Variants in TNMD observed in about 807,000 individuals in gnomAD.
TNMD encodes BRICHOS domain containing 4.
Under a neutral mutation model 26.9 loss-of-function variants are expected in TNMD, and 15 were observed. That is an observed-to-expected ratio of 0.56 (90% CI 0.37 to 0.86). The LOEUF (loss-of-function observed/expected upper bound fraction) is 0.86, where lower values mean the gene tolerates loss of function less well. Ranked by LOEUF, TNMD falls within the 40% of genes least tolerant of loss-of-function variation. The pLI is 0.00. For synonymous variants in TNMD, 73 were observed against 77.0 expected (o/e 0.95, Z 0.27); for missense variants, 222 against 242.6 (o/e 0.92, Z 0.56).
chrX:100,586,081 C>T lies in TNMD; in HGVS notation c.180+719C>T, dbSNP rs375719640. Among the ~76,000 whole-genome samples, 18 of 112,083 alleles carry T rather than the reference C, an allele frequency of 1.6e-4. No homozygotes were observed. In the East Asian group the frequency reaches 5.0e-3, roughly 31 times the overall value. On this transcript the variant is annotated intron_variant, in intron 2 of 6. Coordinates refer to ENST00000373031, the MANE Select transcript of TNMD (RefSeq NM_022144.3). ...CTGTACCTTAGTGTTATTGTTATTC[C>T]TGGGCTCATAGGCAATGGGCAAGTT...
chrX:100,585,445 A>C, intron 2 of TNMD, 83 bp downstream of exon 2: 3 of 962,169 alleles, frequency 3.1e-6, no homozygotes, highest in Non-Finnish European at 2.8e-6. Flanking sequence ...TTATTCTGAA[A>C]ATGAAAATCA....
At position 100,599,713 on chromosome X, in the gene TNMD, T is replaced by A; in HGVS notation, c.950T>A (p.Val317Asp). 1 of 1,209,061 alleles carries A rather than the reference T, an allele frequency of 8.3e-7. No individual in the cohort carries two copies. Among genetic ancestry groups the A allele is most frequent in the South Asian group, 1.8e-5 (1 of 56,695 alleles). The part of the protein sequence containing the change: ...NWWVARMLGR[V>D] ...TGGGTGGCCCGCATGCTGGGGAGGG[T>A]CTAATAGGAGGTTTGAGCTCAAATG... The change falls in exon 7 of 7, where the codon GTC becomes GAC. Residue 317 changes from valine (V) to aspartate (D), a missense_variant. By Grantham distance (152) the Val-to-Asp change is radical. Coordinates refer to ENST00000373031, the MANE Select transcript of TNMD (RefSeq NM_022144.3).
Position 100,599,574 on chromosome X carries a change from C to T in TNMD, c.811C>T (p.Arg271Ter), listed in dbSNP as rs746574268. The T allele has an allele frequency of 8.3e-7, 1 of 1,210,256 alleles. No individual in the cohort carries two copies. The highest frequency in any genetic ancestry group is 1.8e-5 in the South Asian group (1 of 56,712). Residue 271 changes from arginine (R) to a stop codon, truncating the protein, a stop_gained, in exon 7 of 7, where the codon CGA (arginine) becomes TGA (stop). Transcript: ENST00000373031. LOFTEE classifies it high-confidence loss of function. ...AGGTTATTGTTGTATTTACTGCCGT[C>T]GAGGCAACCGCTATTGCCGCCGCGT... is the stretch of plus-strand genomic sequence containing the variant. ...ERGYCCIYCRRGNRYCRRVCE... is the reference protein window; with the variant it reads ...ERGYCCIYCR
chrX:100,589,683 A>G (rs1354416756), intron 2 of TNMD, among the ~76,000 whole-genome samples: 1 of 111,843 alleles, frequency 8.9e-6, no homozygotes, highest in Non-Finnish European at 1.9e-5. Context: ...TGATCAACAG[A>G]TAGTGGCAGT....
chrX:100,599,568 T>C lies in TNMD; in HGVS notation c.805T>C (p.Cys269Arg), dbSNP rs1482937884. 2.5e-6 allele frequency: 3 copies of C among 1,210,732 alleles called. No individual in the cohort carries two copies. Among genetic ancestry groups the C allele is most frequent in the East Asian group, 5.9e-5 (2 of 33,823 alleles). Residue 269 changes from cysteine (C) to arginine (R), a missense_variant, in exon 7 of 7, where the codon TGC (cysteine) becomes CGC (arginine). Coordinates refer to ENST00000373031, the MANE Select transcript of TNMD (RefSeq NM_022144.3). ...LDERGYCCIY[C>R]RRGNRYCRRV... ...TGAGAGAGGTTATTGTTGTATTTAC[T>C]GCCGTCGAGGCAACCGCTATTGCCG...
In TNMD at chrX:100,593,009, A is replaced by G. The variant is rs187777056; in HGVS notation, c.181-886A>G. 6.7e-4 allele frequency among the ~76,000 whole-genome samples: 75 copies of G among 112,294 alleles called. No homozygotes were observed. The East Asian group carries it at 0.021, about 31-fold the overall frequency. On this transcript the variant is annotated intron_variant, in intron 2 of 6. Transcript: ENST00000373031. ...AATTCCTTTATGCTTATTTGCTTCT[A>G]CCTATAAATATGTCCTAAAACTATA... is the stretch of plus-strand genomic sequence containing the variant.
At chrX:100,587,134 A>G (rs1244910114) in intron 2 of TNMD, among the ~76,000 whole-genome samples, 2 of 112,394 alleles carry the variant, frequency 1.8e-5, no homozygotes, top group Non-Finnish European at 3.8e-5. Flanking sequence ...ATGTGTTTTT[A>G]TAAATTTACA....
chrX:100,599,628 T>C lies in TNMD; in HGVS notation c.865T>C (p.Tyr289His), dbSNP rs2082963253. ...TGAACCTTTACTAGGCTACTACCCA[T>C]ATCCATACTGCTACCAAGGAGGACG... ...VCEPLLGYYPYPYCYQGGRVI... is the reference protein window; with the variant it reads ...VCEPLLGYYPHPYCYQGGRVI... The change falls in exon 7 of 7, where the codon TAT (tyrosine) becomes CAT (histidine). Residue 289 changes from tyrosine to histidine, a missense_variant. Tyr to His is a moderately conservative substitution (Grantham distance 83, BLOSUM62 2). Coordinates refer to ENST00000373031, the MANE Select transcript of TNMD (RefSeq NM_022144.3). 1.7e-6 allele frequency: 2 copies of C among 1,211,792 alleles called. No individual in the cohort carries two copies. The highest frequency in any genetic ancestry group is 2.2e-6 in the Non-Finnish European group (2 of 895,485).
chrX:100,588,329 C>G (rs1022963303), intron 2 of TNMD, among the ~76,000 whole-genome samples: 2 of 110,562 alleles, frequency 1.8e-5, no homozygotes, highest in East Asian at 5.7e-4. Context: ...CACACACAGA[C>G]CAGAGAGAGA....
At chrX:100,592,474 A>G (rs1704608769) in intron 2 of TNMD, among the ~76,000 whole-genome samples, 1 of 112,251 alleles carries the variant, frequency 8.9e-6, no homozygotes, top group African/African-American at 3.2e-5. Flanking sequence ...CCAATACTCA[A>G]AAATGTCTCT....
chrX:100,599,330 G>A (rs898678677), intron 6 of TNMD, 148 bp downstream of exon 6: 1 of 669,722 alleles, frequency 1.5e-6, no homozygotes, highest in African/African-American at 2.2e-5. Context: ...GAATCTCCAG[G>A]AGGCTCATTC....
In TNMD at chrX:100,597,635, G is replaced by C; in HGVS notation, c.555G>C (p.Trp185Cys). The change falls in exon 5 of 7, where the codon TGG (tryptophan) becomes TGC (cysteine). Residue 185 changes from tryptophan (W) to cysteine (C), a missense_variant. By Grantham distance (215) the Trp-to-Cys change is radical. Coordinates refer to ENST00000373031, the MANE Select transcript of TNMD (RefSeq NM_022144.3). Reference protein sequence around the residue: ...LEICDNVTMYWINPTLISVSE... With the variant: ...LEICDNVTMYCINPTLISVSE... Reference sequence around the variant, plus strand: ...TTTGTGATAACGTGACCATGTATTGGATCAATCCCACTCTAATATCAGGTA... The same window carrying C: ...TTTGTGATAACGTGACCATGTATTGCATCAATCCCACTCTAATATCAGGTA... 1 of 1,210,135 alleles carries C rather than the reference G, an allele frequency of 8.3e-7. No individual in the cohort carries two copies. Among genetic ancestry groups the C allele is most frequent in the South Asian group, 1.8e-5 (1 of 56,894 alleles).
intron 2 of TNMD, chrX:100,593,564 G>T (rs772317648): frequency 5.2e-6 from 1 of 191,562 alleles, no homozygotes; most frequent in Non-Finnish European, 8.4e-6. Flanking sequence ...TGAATTTCAC[G>T]GGTGAGGGGC....
At chrX:100,589,451 C>A (rs1473269093) in intron 2 of TNMD, among the ~76,000 whole-genome samples, 1 of 110,770 alleles carries the variant, frequency 9.0e-6, no homozygotes, top group Non-Finnish European at 1.9e-5. Flanking sequence ...TCTCACTGGG[C>A]CAGCTCTTAT....
intron 2 of TNMD, 164 bp from the exon 3 acceptor site, chrX:100,593,731 C>G: frequency 2.0e-6 from 1 of 500,044 alleles, no homozygotes; most frequent in Non-Finnish European, 3.1e-6. Context: ...TTAGTCAAGG[C>G]TGCCAAGAAA....
intron 2 of TNMD, among the ~76,000 whole-genome samples, chrX:100,588,228 T>C (rs904339505): frequency 9.0e-6 from 1 of 111,581 alleles, no homozygotes; most frequent in African/African-American, 3.3e-5. Flanking sequence ...GAACAAGCCA[T>C]GCTTGACCTC....
chrX:100,592,942 A>G (rs1220349420), intron 2 of TNMD, among the ~76,000 whole-genome samples: 1 of 112,292 alleles, frequency 8.9e-6, no homozygotes, highest in Non-Finnish European at 1.9e-5. Context: ...ATAGACTTCC[A>G]AAAGGCATCA....
intron 2 of TNMD, among the ~76,000 whole-genome samples, chrX:100,588,390 T>C (rs1197425284): frequency 9.0e-6 from 1 of 111,230 alleles, no homozygotes; most frequent in Non-Finnish European, 1.9e-5. Flanking sequence ...GGTGAGCTGC[T>C]GCATTTTCTT....
chrX:100,594,198 T>C (rs2082946372), intron 3 of TNMD, 63 bp from the exon 4 acceptor site: 1 of 1,002,014 alleles, frequency 1.0e-6, no homozygotes, highest in Non-Finnish European at 1.4e-6. Flanking sequence ...CCCCAACAGA[T>C]CATGGAACTT....
Sources: gnomAD v4.1 joint callset for allele counts (sites outside exome capture counted in the v4.1 genomes callset) on GRCh38, gnomAD v4.1.1 for gene constraint, MANE v1.5 for transcripts, NCBI Gene and HGNC (gene_info 2026-07-23, HGNC 2026-07-21) for gene names.